The following LMX1A variants were observed in gnomAD, a reference collection of about 807,000 sequenced individuals.
LMX1A encodes LIM homeobox transcription factor 1-alpha.
Under a neutral mutation model 49.1 loss-of-function variants are expected in LMX1A, and 15 were observed. The ratio of observed to expected loss-of-function variants is 0.31; its 90% CI spans 0.20 to 0.47. The LOEUF (loss-of-function observed/expected upper bound fraction) is 0.47. LMX1A is among the 20% of genes least tolerant of loss of function. LMX1A has a pLI of 1.00. For synonymous variants in LMX1A, 167 were observed against 185.7 expected (o/e 0.90, Z 0.82); for missense variants, 372 against 475.8 (o/e 0.78, Z 2.03).
rs190879354 is a variant in LMX1A, at chr1:165,278,530, T to G, written c.264-28890A>C. Among the ~76,000 whole-genome samples, 172 of 150,862 alleles carry G rather than the reference T, an allele frequency of 1.1e-3. 1 individual carries two copies. Among genetic ancestry groups the G allele is most frequent in the African/African-American group, 3.5e-3 (143 of 40,610 alleles). ...AACACTGGATTTTTGCTGCCACAAGTTTTTTTTTCCTTCCTGCCTGCTGCA... is the reference window on the plus strand; with the variant it reads ...AACACTGGATTTTTGCTGCCACAAGGTTTTTTTTCCTTCCTGCCTGCTGCA... On this transcript the variant is annotated intron_variant, in intron 3 of 8. Coordinates refer to ENST00000342310, the MANE Select transcript of LMX1A (RefSeq NM_177398.4).
At chr1:165,253,281 A>C (rs934955990) in intron 3 of LMX1A, among the ~76,000 whole-genome samples, 4 of 152,224 alleles carry the variant, frequency 2.6e-5, no homozygotes, top group Non-Finnish European at 5.9e-5. Flanking sequence ...CATGAATATA[A>C]AATAGAATGG....
intron 3 of LMX1A, among the ~76,000 whole-genome samples, chr1:165,328,225 G>C (rs1655644315): frequency 6.6e-6 from 1 of 152,244 alleles, no homozygotes. Context: ...TATCCGTTCT[G>C]TGACCTGTGT....
intron 3 of LMX1A, among the ~76,000 whole-genome samples, chr1:165,258,639 C>T (rs563400841): frequency 5.3e-5 from 8 of 152,234 alleles, no homozygotes; most frequent in East Asian, 3.9e-4. Context: ...GATGTCTGCA[C>T]GTCCCAGAGG....
At chr1:165,221,394 C>T (rs542001572) in intron 4 of LMX1A, among the ~76,000 whole-genome samples, 1 of 152,046 alleles carries the variant, frequency 6.6e-6, no homozygotes, top group Non-Finnish European at 1.5e-5. Flanking sequence ...CCGTCTCCCC[C>T]CAACTCCCCC....
chr1:165,222,659 G>C (rs1023819542), intron 4 of LMX1A, among the ~76,000 whole-genome samples: 2 of 152,158 alleles, frequency 1.3e-5, no homozygotes, highest in African/African-American at 4.8e-5. Context: ...AGTCCTCATT[G>C]GTCAAATTCA....
intron 4 of LMX1A, among the ~76,000 whole-genome samples, chr1:165,242,737 G>T (rs1652699687): frequency 6.6e-6 from 1 of 151,186 alleles, no homozygotes; most frequent in South Asian, 2.1e-4. Flanking sequence ...AAAATTAGCT[G>T]GGCTAATTTT....
intron 3 of LMX1A, among the ~76,000 whole-genome samples, chr1:165,263,505 AAAG>A (rs1380395119): frequency 6.6e-6 from 1 of 152,134 alleles, no homozygotes; most frequent in Non-Finnish European, 1.5e-5. Context: ...CTCCACCTTC[AAAG>A]AATAGCCAGG....
chr1:165,267,365 AT>A (rs774509259), intron 3 of LMX1A, among the ~76,000 whole-genome samples: 12 of 152,258 alleles, frequency 7.9e-5, no homozygotes, highest in Admixed American at 3.3e-4. Flanking sequence ...TCAATACTCC[AT>A]TTTTTTATGG....
intron 4 of LMX1A, among the ~76,000 whole-genome samples, chr1:165,247,068 T>C (rs1269932614): frequency 7.4e-6 from 1 of 135,152 alleles, no homozygotes; most frequent in African/African-American, 2.7e-5. Flanking sequence ...TTTTTTTTTT[T>C]TTTTTTTTTT....
At chr1:165,308,489 T>C (rs1020295369) in intron 3 of LMX1A, among the ~76,000 whole-genome samples, 1 of 152,216 alleles carries the variant, frequency 6.6e-6, no homozygotes, top group African/African-American at 2.4e-5. Flanking sequence ...GCAAAGTCCC[T>C]AAGGTAACAT....
At chr1:165,243,296 G>A (rs575547788) in intron 4 of LMX1A, among the ~76,000 whole-genome samples, 1 of 152,312 alleles carries the variant, frequency 6.6e-6, no homozygotes, top group South Asian at 2.1e-4. Context: ...AAGAGGGGTA[G>A]ATAAGTAAGA....
chr1:165,293,812 C>T (rs1372900941), intron 3 of LMX1A, among the ~76,000 whole-genome samples: 1 of 152,076 alleles, frequency 6.6e-6, no homozygotes, highest in Non-Finnish European at 1.5e-5. Context: ...GGGCTCTAAT[C>T]CCATTCAAGA....
chr1:165,270,292 G>T (rs191766988), intron 3 of LMX1A, among the ~76,000 whole-genome samples: 1 of 151,974 alleles, frequency 6.6e-6, no homozygotes, highest in East Asian at 1.9e-4. Flanking sequence ...GTCAGCTCAA[G>T]ACTCATACCC....
Position 165,205,886 on chromosome 1 carries a change from A to G in LMX1A, c.966T>C (p.Pro322=). 1 of 1,613,974 alleles carries G rather than the reference A, an allele frequency of 6.2e-7. No individual in the cohort carries two copies. The highest frequency in any genetic ancestry group is 8.5e-7 in the Non-Finnish European group (1 of 1,179,998). Residue 322 remains proline (P), a synonymous_variant, in exon 8 of 9, where the codon CCT becomes CCC. Coordinates refer to ENST00000342310, the MANE Select transcript of LMX1A (RefSeq NM_177398.4). ...TACCATAAGGGTGCATGTGGTCTCC[A>G]GGCATCTGGGGTGGGGTGAGACCCT... ...FRQGLTPPQM[P]GDHMHPYGAE...
chr1:165,221,394 C>G lies in LMX1A; in HGVS notation c.497-7581G>C, dbSNP rs542001572. On this transcript the variant is annotated intron_variant, in intron 4 of 8. Transcript: ENST00000342310. Reference sequence around the variant, plus strand: ...TCTCCTCAGACCCTCCCGTCTCCCCCCAACTCCCCCCAACTATCCTGCCCT... The same window carrying G: ...TCTCCTCAGACCCTCCCGTCTCCCCGCAACTCCCCCCAACTATCCTGCCCT... 5.0e-3 allele frequency among the ~76,000 whole-genome samples: 768 copies of G among 152,160 alleles called. 6 individuals carry two copies. The highest frequency in any genetic ancestry group is 7.2e-3 in the Non-Finnish European group (487 of 67,982).
At chr1:165,297,979 G>A (rs1222111444) in intron 3 of LMX1A, among the ~76,000 whole-genome samples, 3 of 152,228 alleles carry the variant, frequency 2.0e-5, no homozygotes, top group Non-Finnish European at 2.9e-5. Flanking sequence ...CACATTAAAA[G>A]TTAATTCTTG....
chr1:165,217,292 T>C (rs145750210), intron 4 of LMX1A, among the ~76,000 whole-genome samples: 2,472 of 152,238 alleles, frequency 0.016, 25 homozygotes, highest in Admixed American at 0.025. Context: ...GCTAAGGGCC[T>C]TCTGGGGTCC....
intron 3 of LMX1A, among the ~76,000 whole-genome samples, chr1:165,281,462 A>T (rs1654146443): frequency 6.6e-6 from 1 of 152,226 alleles, no homozygotes; most frequent in Non-Finnish European, 1.5e-5. Flanking sequence ...GCAAACGTGG[A>T]GTCCAGGAAA....
At chr1:165,275,975 T>G (rs1653956299) in intron 3 of LMX1A, among the ~76,000 whole-genome samples, 1 of 150,334 alleles carries the variant, frequency 6.7e-6, no homozygotes, top group Admixed American at 6.6e-5. Context: ...ACAACTGTGT[T>G]TGGGAATGTC....
Sources: allele counts gnomAD v4.1 joint callset (sites outside exome capture counted in the v4.1 genomes callset), GRCh38; gene constraint gnomAD v4.1.1; transcripts MANE v1.5; gene names NCBI Gene and HGNC (gene_info 2026-07-23, HGNC 2026-07-21).